The following SDK2 variants were observed in gnomAD, a reference collection of about 807,000 sequenced individuals.
SDK2 encodes the protein protein sidekick-2.
SDK2 carries 105 observed loss-of-function variants against 253.9 expected under a neutral mutation model. The observed-to-expected ratio is 0.41, with a 90% CI of 0.35 to 0.49. The LOEUF (loss-of-function observed/expected upper bound fraction) is 0.49. Among genes scored for constraint, SDK2 ranks in the 20% least tolerant of loss-of-function variants. SDK2 has a pLI of 0.06. For missense variants in SDK2, 2,608 were observed against 3,003.0 expected (o/e 0.87, Z 3.07); for synonymous variants, 1,249 against 1,234.9 (o/e 1.01, Z -0.24).
At position 73,338,645 on chromosome 17, in the gene SDK2, G is replaced by C. The variant is rs1411610848; in HGVS notation, c.6461C>G (p.Pro2154Arg). The change falls in exon 45 of 45, where the codon CCC (proline) becomes CGC (arginine). Residue 2154 changes from proline (P) to arginine (R), a missense_variant. Transcript: ENST00000392650. This position sits in a 1 kb window ranked among gnomAD's most constrained non-coding sequence, Gnocchi z 5.0. Reference sequence around the variant, plus strand: ...CCGGGAGCCTGGGGCCAGGCTGCTGGGGGGACGGTAGAGGGTGCTCTGCTG... The same window carrying C: ...CCGGGAGCCTGGGGCCAGGCTGCTGCGGGGACGGTAGAGGGTGCTCTGCTG... ...PSQQSTLYRP[P>R]SSLAPGSRAP... The C allele has an allele frequency of 1.3e-6, 2 of 1,545,440 alleles. No homozygotes were observed. Among genetic ancestry groups the C allele is most frequent in the African/African-American group, 1.4e-5 (1 of 72,428 alleles).
chr17:73,630,968 G>T (rs977460994), intron 1 of SDK2, among the ~76,000 whole-genome samples: 2 of 152,050 alleles, frequency 1.3e-5, no homozygotes, highest in Non-Finnish European at 2.9e-5. Context: ...AGGAGGAAGG[G>T]GTTAAATGCC....
At chr17:73,342,085 C>G (rs143951706) in intron 44 of SDK2, among the ~76,000 whole-genome samples, 197 of 152,100 alleles carry the variant, frequency 1.3e-3, no homozygotes, top group Middle Eastern at 3.4e-3. Context: ...AGAGCTCCCC[C>G]CAAACCCCCC....
At chr17:73,537,129 G>T (rs549279671) in intron 1 of SDK2, among the ~76,000 whole-genome samples, 1 of 152,112 alleles carries the variant, frequency 6.6e-6, no homozygotes, top group Non-Finnish European at 1.5e-5. Context: ...GTGCGGGCGC[G>T]CATCATGTGT....
chr17:73,390,569 G>C, intron 28 of SDK2, 88 bp from the exon 29 acceptor site: 1 of 1,354,112 alleles, frequency 7.4e-7, no homozygotes, highest in Non-Finnish European at 1.0e-6. Flanking sequence ...CAAAGCCACA[G>C]CTGTGTCTGT....
At position 73,416,372 on chromosome 17, in the gene SDK2, T is replaced by C. The variant is rs577868492; in HGVS notation, c.2187-380A>G. 5.3e-5 allele frequency among the ~76,000 whole-genome samples: 8 copies of C among 151,862 alleles called. No individual in the cohort carries two copies. The South Asian group carries it at 1.5e-3, about 28-fold the overall frequency. ...GCCACCACACTGGCTAATTTTTGTA[T>C]TTTTAGTAGAGACAGGGTTTCACCA... On this transcript the variant is annotated intron_variant, in intron 16 of 44. Coordinates refer to ENST00000392650, the MANE Select transcript of SDK2 (RefSeq NM_001144952.2).
At chr17:73,424,340 G>A (rs1008554801) in intron 12 of SDK2, among the ~76,000 whole-genome samples, 8 of 152,146 alleles carry the variant, frequency 5.3e-5, no homozygotes, top group African/African-American at 9.7e-5. Flanking sequence ...ATTATTGGTC[G>A]TTACACCTTC....
intron 2 of SDK2, among the ~76,000 whole-genome samples, chr17:73,480,609 G>C (rs945776327): frequency 2.6e-5 from 4 of 152,160 alleles, no homozygotes; most frequent in Non-Finnish European, 5.9e-5. Flanking sequence ...GGATCTGCTG[G>C]GGGTGAGTGG....
intron 1 of SDK2, among the ~76,000 whole-genome samples, chr17:73,582,593 G>T (rs534980212): frequency 6.6e-6 from 1 of 152,302 alleles, no homozygotes; most frequent in East Asian, 1.9e-4. Context: ...CCAGGCTCCC[G>T]GAAGGCTCCT....
At chr17:73,387,526 C>A (rs559370628) in intron 30 of SDK2, among the ~76,000 whole-genome samples, 253 of 152,280 alleles carry the variant, frequency 1.7e-3, no homozygotes, top group African/African-American at 5.9e-3. Flanking sequence ...GAGGAAGATA[C>A]CGCCCGGCTG....
intron 1 of SDK2, among the ~76,000 whole-genome samples, chr17:73,562,155 A>T (rs955001903): frequency 6.6e-6 from 1 of 152,056 alleles, no homozygotes; most frequent in African/African-American, 2.4e-5. Flanking sequence ...TCTTAATATA[A>T]TATTTCAAAG....
chr17:73,507,139 C>A (rs2063942161), intron 2 of SDK2, among the ~76,000 whole-genome samples: 1 of 152,254 alleles, frequency 6.6e-6, no homozygotes, highest in South Asian at 2.1e-4. Flanking sequence ...ACAGCCACAG[C>A]TGCTGTTAGT....
intron 4 of SDK2, among the ~76,000 whole-genome samples, chr17:73,453,016 G>A (rs1006786951): frequency 1.3e-5 from 2 of 152,212 alleles, no homozygotes; most frequent in Admixed American, 1.3e-4. Flanking sequence ...TGAGTCCCCT[G>A]TTAACCTGGG....
At chr17:73,533,221 C>T (rs1037265480) in intron 1 of SDK2, among the ~76,000 whole-genome samples, 2 of 152,236 alleles carry the variant, frequency 1.3e-5, no homozygotes, top group Non-Finnish European at 1.5e-5. Flanking sequence ...GTCACTGCCT[C>T]CTGACCCCAT....
rs753049657 is a variant in SDK2, at chr17:73,379,489, C to T, written c.4823G>A (p.Gly1608Glu). ...RMSVYNAVGE[G>E]PSSPPQEVFV... ...GACCTCCTGCGGGGGGCTGGAGGGC[C>T]CCTCACCCACAGCGTTGTACACGCT... is the stretch of plus-strand genomic sequence containing the variant. Residue 1608 changes from glycine (G) to glutamate (E), a missense_variant, in exon 35 of 45, where the codon GGG (glycine) becomes GAG (glutamate). Around this residue, in one of 2 missense-constraint regions of SDK2, gnomAD observed 1,103 missense variants for 1,143.9 expected, o/e 0.96. Transcript: ENST00000392650. This position sits in a 1 kb window ranked among gnomAD's most constrained non-coding sequence, Gnocchi z 4.5. 2.5e-6 allele frequency: 4 copies of T among 1,612,294 alleles called. No individual in the cohort carries two copies. Among genetic ancestry groups the T allele is most frequent in the Non-Finnish European group, 3.4e-6 (4 of 1,179,200 alleles).
chr17:73,466,930 C>T (rs540316802), intron 3 of SDK2, among the ~76,000 whole-genome samples: 7 of 152,246 alleles, frequency 4.6e-5, no homozygotes, highest in East Asian at 1.9e-4. Flanking sequence ...GTCAGTGCCT[C>T]GGTTGGGGCG....
At chr17:73,582,122 G>T (rs1423318796) in intron 1 of SDK2, among the ~76,000 whole-genome samples, 1 of 152,242 alleles carries the variant, frequency 6.6e-6, no homozygotes, top group Non-Finnish European at 1.5e-5. Flanking sequence ...AAGGTAGTGA[G>T]TAGGGTACAC....
chr17:73,604,110 G>C (rs1260979343), intron 1 of SDK2, among the ~76,000 whole-genome samples: 3 of 152,230 alleles, frequency 2.0e-5, no homozygotes. Context: ...CAGCCTTCCT[G>C]GCCAGGAGAG....
intron 1 of SDK2, among the ~76,000 whole-genome samples, chr17:73,544,533 G>A (rs1181485154): frequency 6.6e-6 from 1 of 152,180 alleles, no homozygotes. Flanking sequence ...CAGATGAATA[G>A]ATGGATAAAC....
At chr17:73,628,718 G>A (rs2046233084) in intron 1 of SDK2, among the ~76,000 whole-genome samples, 1 of 152,228 alleles carries the variant, frequency 6.6e-6, no homozygotes, top group Non-Finnish European at 1.5e-5. Flanking sequence ...GGTAGCCCAA[G>A]GCTGGTCACT....
Sources: gnomAD v4.1 joint callset for allele counts (sites outside exome capture counted in the v4.1 genomes callset) on GRCh38, gnomAD v4.1.1 for gene constraint, gnomAD v4.1.1 regional missense constraint, Gnocchi (gnomAD v3.1) non-coding constraint, MANE v1.5 for transcripts, NCBI Gene and HGNC (gene_info 2026-07-23, HGNC 2026-07-21) for gene names.